GRK5: variants seen among roughly 807,000 people sequenced by gnomAD.
GRK5 encodes G protein-coupled receptor kinase 5, also known as g protein-coupled receptor kinase GRK5.
Under a neutral mutation model 78.4 loss-of-function variants are expected in GRK5, and 40 were observed. The observed-to-expected ratio is 0.51, with a 90% confidence interval of 0.40 to 0.66. GRK5 has a LOEUF of 0.66. Ranked by LOEUF, GRK5 falls within the 30% of genes least tolerant of loss-of-function variation. The pLI, the probability that GRK5 is intolerant of heterozygous loss-of-function variation, is 0.00. For missense variants in GRK5, 598 were observed against 759.9 expected (o/e 0.79, Z 2.50); for synonymous variants, 289 against 296.8 (o/e 0.97, Z 0.27).
intron 1 of GRK5, among the ~76,000 whole-genome samples, chr10:119,304,112 C>A (rs1850232166): frequency 6.6e-6 from 1 of 152,042 alleles, no homozygotes; most frequent in African/African-American, 2.4e-5. Context: ...TTTATCTTGA[C>A]TGTGTTTAAT....
chr10:119,428,832 C>G (rs551295478), intron 6 of GRK5, among the ~76,000 whole-genome samples: 1 of 152,352 alleles, frequency 6.6e-6, no homozygotes, highest in African/African-American at 2.4e-5. Context: ...CTGGTTGGTG[C>G]TGTACTGCTG....
chr10:119,280,224 T>C (rs562855430), intron 1 of GRK5, among the ~76,000 whole-genome samples: 13 of 152,348 alleles, frequency 8.5e-5, no homozygotes, highest in African/African-American at 2.9e-4. Context: ...GGACAAATTA[T>C]GCTTAGTAAT....
chr10:119,225,941 C>T (rs529653051), intron 1 of GRK5, among the ~76,000 whole-genome samples: 25 of 151,284 alleles, frequency 1.7e-4, no homozygotes, highest in East Asian at 7.8e-4. Context: ...CTCCGCCTCC[C>T]GGGTTCACGC....
At chr10:119,380,383 G>T (rs1242220129) in intron 2 of GRK5, among the ~76,000 whole-genome samples, 1 of 152,176 alleles carries the variant, frequency 6.6e-6, no homozygotes, top group African/African-American at 2.4e-5. Context: ...CACTCACCAT[G>T]ACCTCCAGAG....
intron 2 of GRK5, among the ~76,000 whole-genome samples, chr10:119,376,518 T>C (rs1206800215): frequency 6.6e-6 from 1 of 151,134 alleles, no homozygotes; most frequent in Non-Finnish European, 1.5e-5. Context: ...GATTTGTGGA[T>C]ACTTAGGGGC....
At chr10:119,426,992 A>ACCATCAACAGCATCACAG (rs1486062857) in intron 6 of GRK5, among the ~76,000 whole-genome samples, 4 of 151,302 alleles carry the variant, frequency 2.6e-5, no homozygotes, top group Admixed American at 1.3e-4. Context: ...CAACATCACC[A>ACCATCAACAGCATCACAG]CCATCAACAG....
rs1250022499 is a variant in GRK5 at position 119,379,482 on chromosome 10, C to T, written c.149-1333C>T. 6.6e-6 allele frequency among the ~76,000 whole-genome samples: 1 copy of T among 152,212 alleles called. No homozygotes were observed. Among genetic ancestry groups the T allele is most frequent in the Non-Finnish European group, 1.5e-5 (1 of 68,044 alleles). On this transcript the variant is annotated intron_variant, in intron 2 of 15. Transcript: ENST00000392870. The surrounding 1 kb of genome is among the most constrained non-coding windows in gnomAD (Gnocchi z 4.1). ...GCCAGCGCAGTGGTTGTGTTCATAT[C>T]CCCTTGTTGCCTGGCGTATCTCAAG... is the stretch of plus-strand genomic sequence containing the variant.
At chr10:119,345,135 C>CT (rs1017712643) in intron 2 of GRK5, among the ~76,000 whole-genome samples, 23 of 151,982 alleles carry the variant, frequency 1.5e-4, no homozygotes, top group Non-Finnish European at 1.5e-4. Context: ...CGCCTGGCTA[C>CT]TTTTTTGTAT....
At chr10:119,274,748 G>T (rs1849639848) in intron 1 of GRK5, among the ~76,000 whole-genome samples, 1 of 152,170 alleles carries the variant, frequency 6.6e-6, no homozygotes, top group South Asian at 2.1e-4. Context: ...TAGCTGAGGG[G>T]CTTTCACATC....
At chr10:119,326,691 G>A (rs1051830400) in intron 2 of GRK5, 80 bp downstream of exon 2, 6 of 1,052,482 alleles carry the variant, frequency 5.7e-6, no homozygotes, top group Non-Finnish European at 8.8e-6. Context: ...AAGGCAAATG[G>A]GTGAGCCGCC....
chr10:119,352,352 G>T (rs942044255), intron 2 of GRK5, among the ~76,000 whole-genome samples: 1 of 152,194 alleles, frequency 6.6e-6, no homozygotes, highest in Non-Finnish European at 1.5e-5. Flanking sequence ...CTCCCAATGT[G>T]TGAGCCCCTT....
chr10:119,437,069 AG>A (rs1852935783), intron 9 of GRK5, among the ~76,000 whole-genome samples: 1 of 152,238 alleles, frequency 6.6e-6, no homozygotes, highest in South Asian at 2.1e-4. Context: ...TCCAAAGTTT[AG>A]GGAAGCCAAG....
intron 6 of GRK5, among the ~76,000 whole-genome samples, chr10:119,428,599 T>A (rs1852749734): frequency 6.6e-6 from 1 of 152,036 alleles, no homozygotes; most frequent in African/African-American, 2.4e-5. Context: ...TCCCAAGTCC[T>A]TGGGCCTTGG....
intron 1 of GRK5, among the ~76,000 whole-genome samples, chr10:119,241,677 T>C (rs1386525101): frequency 1.3e-5 from 2 of 152,204 alleles, no homozygotes; most frequent in Non-Finnish European, 2.9e-5. Context: ...GAACATGGTC[T>C]TTGCCTTGAT....
rs1033754641 is a variant in GRK5 at position 119,445,546 on chromosome 10, C to T, written c.1266+1794C>T. Among the ~76,000 whole-genome samples the T allele has an allele frequency of 3.9e-5, 6 of 152,138 alleles. No individual in the cohort carries two copies. Among genetic ancestry groups the T allele is most frequent in the Non-Finnish European group, 8.8e-5 (6 of 68,022 alleles). On this transcript the variant is annotated intron_variant, in intron 12 of 15. Coordinates refer to ENST00000392870, the MANE Select transcript of GRK5 (RefSeq NM_005308.3). This position sits in a 1 kb window ranked among gnomAD's most constrained non-coding sequence, Gnocchi z 4.1. Reference sequence around the variant, plus strand: ...CCCCCTGGTGGACACTGAGAGAAAGCCTGCTGCTCCCGGAGGACCTGTCCC... The same window carrying T: ...CCCCCTGGTGGACACTGAGAGAAAGTCTGCTGCTCCCGGAGGACCTGTCCC...
At chr10:119,261,057 G>A (rs1288428019) in intron 1 of GRK5, among the ~76,000 whole-genome samples, 11 of 67,716 alleles carry the variant, frequency 1.6e-4, no homozygotes, top group East Asian at 4.8e-4. Flanking sequence ...CCTCCCTCCC[G>A]GACGGGGCGG....
chr10:119,229,848 A>G (rs952113922), intron 1 of GRK5, among the ~76,000 whole-genome samples: 4 of 152,072 alleles, frequency 2.6e-5, no homozygotes, highest in African/African-American at 9.7e-5. Context: ...AGATAGATGT[A>G]TTTTTCACCA....
intron 4 of GRK5, among the ~76,000 whole-genome samples, chr10:119,407,891 T>C (rs564346175): frequency 9.2e-5 from 14 of 152,112 alleles, no homozygotes; most frequent in African/African-American, 3.1e-4. Flanking sequence ...GGGCTGGGTG[T>C]GGTGGCTCAC....
At chr10:119,334,306 A>C (rs552393042) in intron 2 of GRK5, among the ~76,000 whole-genome samples, 12 of 152,102 alleles carry the variant, frequency 7.9e-5, no homozygotes, top group African/African-American at 2.9e-4. Flanking sequence ...GAGACCCTCT[A>C]AAAAAAAGAA....
Sources: allele counts gnomAD v4.1 joint callset (sites outside exome capture counted in the v4.1 genomes callset), GRCh38; gene constraint gnomAD v4.1.1; non-coding constraint Gnocchi (gnomAD v3.1); transcripts MANE v1.5; gene names NCBI Gene and HGNC (gene_info 2026-07-23, HGNC 2026-07-21).